The following USO1 variants were observed in gnomAD, a reference collection of about 807,000 sequenced individuals.
USO1 encodes the protein general vesicular transport factor p115.
Under a neutral mutation model 124.5 loss-of-function variants are expected in USO1, and 57 were observed. The observed-to-expected ratio is 0.46, with a 90% CI of 0.37 to 0.57. USO1 has a LOEUF of 0.57. USO1 is among the 20% of genes least tolerant of loss of function. The probability of loss-of-function intolerance (pLI) is 0.00; values close to 1 mark genes in which losing one functional copy is unlikely to be tolerated. For missense variants in USO1, 900 were observed against 1,040.6 expected (o/e 0.86, Z 1.86); for synonymous variants, 369 against 362.8 (o/e 1.02, Z -0.19).
intron 8 of USO1, among the ~76,000 whole-genome samples, chr4:75,780,583 T>G (rs1722191448): frequency 6.6e-6 from 1 of 151,028 alleles, no homozygotes; most frequent in Non-Finnish European, 1.5e-5. Context: ...TAATATTGTT[T>G]TCATACTGTT....
intron 23 of USO1, 44 bp downstream of exon 23, chr4:75,812,419 GTA>G (rs1281938046): frequency 1.3e-6 from 2 of 1,519,190 alleles, no homozygotes; most frequent in Non-Finnish European, 1.8e-6. Flanking sequence ...TTATGTTTTA[GTA>G]TAATGCATTT....
chr4:75,799,681 T>A lies in USO1; in HGVS notation c.1512T>A (p.Asn504Lys), dbSNP rs1212524591. The part of the protein sequence containing the change: ...LLMLLCTWLS[N>K]CPIAVTHFLH... ...TGTTGCTTTGTACCTGGCTAAGCAA[T>A]TGTCCCATTGCAGTAACGCATTTTC... Residue 504 changes from asparagine (N) to lysine (K), a missense_variant, in exon 14 of 24, where the codon AAT becomes AAA. Coordinates refer to ENST00000514213, the MANE Select transcript of USO1 (RefSeq NM_003715.4). 4 of 1,613,726 alleles carry A rather than the reference T, an allele frequency of 2.5e-6. No individual in the cohort carries two copies. The highest frequency in any genetic ancestry group is 2.7e-5 in the African/African-American group (2 of 74,922).
chr4:75,805,299 A>C lies in USO1; in HGVS notation c.2285A>C (p.Asn762Thr). ...QLTEKDSMIENMKSSQTSGTN... is the reference protein window; with the variant it reads ...QLTEKDSMIETMKSSQTSGTN... Reference sequence around the variant, plus strand: ...ACTGAAAAGGACTCTATGATTGAAAATATGGTAAAGTAAATGTTTAAGAAG... The same window carrying C: ...ACTGAAAAGGACTCTATGATTGAAACTATGGTAAAGTAAATGTTTAAGAAG... Residue 762 changes from asparagine (N) to threonine (T), a missense_variant, in exon 19 of 24, where the codon AAT (asparagine) becomes ACT (threonine). Coordinates refer to ENST00000514213, the MANE Select transcript of USO1 (RefSeq NM_003715.4). The C allele has an allele frequency of 6.3e-7, 1 of 1,596,920 alleles. No individual in the cohort carries two copies. The highest frequency in any genetic ancestry group is 8.5e-7 in the Non-Finnish European group (1 of 1,173,604).
chr4:75,731,903 G>A (rs1401011100), intron 1 of USO1, among the ~76,000 whole-genome samples: 1 of 152,004 alleles, frequency 6.6e-6, no homozygotes, highest in Non-Finnish European at 1.5e-5. Context: ...TTACACTAGT[G>A]TCCTTTAATT....
rs1723228630 is a variant in USO1, at chr4:75,814,194, A to T, written c.*899A>T. 6.6e-6 allele frequency: 1 copy of T among 152,244 alleles called. No individual in the cohort carries two copies. Among genetic ancestry groups the T allele is most frequent in the Non-Finnish European group, 1.5e-5 (1 of 68,044 alleles). The allele number at this position is 152,244 out of a possible 1,614,324, so 9.4% of individuals were successfully genotyped here. ...GTCAAAATTTAATGTTTCATAATAA[A>T]AATAGATACGTTGACTTAATCCTTG... is the stretch of plus-strand genomic sequence containing the variant. On this transcript the variant is annotated 3_prime_UTR_variant, in exon 24 of 24. Transcript: ENST00000514213.
At chr4:75,762,541 G>A (rs941793921) in intron 4 of USO1, among the ~76,000 whole-genome samples, 5 of 151,120 alleles carry the variant, frequency 3.3e-5, no homozygotes, top group Non-Finnish European at 5.9e-5. Context: ...ATAAATTGTG[G>A]CCAATTTTTC....
chr4:75,757,520 A>T lies in USO1; in HGVS notation c.242A>T (p.Tyr81Phe). 6.6e-7 allele frequency: 1 copy of T among 1,517,056 alleles called. No individual in the cohort carries two copies. Among genetic ancestry groups the T allele is most frequent in the South Asian group, 1.3e-5 (1 of 78,956 alleles). 94.0% of individuals were successfully genotyped at this position (1,517,056 alleles called of 1,614,324 possible). The change falls in exon 4 of 24, where the codon TAT becomes TTT. Residue 81 changes from tyrosine (Y) to phenylalanine (F), a missense_variant. Tyr to Phe is a conservative substitution (Grantham distance 22). Transcript: ENST00000514213. ...AGTTCAGATTCTGAAATAATAGGTT[A>T]TGCTTTGGACACACTATATAATATA... ...TDRSDSEIIG[Y>F]ALDTLYNIIS... is the part of the protein sequence containing the mutation.
intron 13 of USO1, chr4:75,795,501 C>T: frequency 1.6e-6 from 1 of 634,454 alleles, no homozygotes. Context: ...CAATTTATTT[C>T]TATTGTAAAT....
chr4:75,746,771 T>C (rs950992923), intron 1 of USO1, among the ~76,000 whole-genome samples: 7 of 152,208 alleles, frequency 4.6e-5, no homozygotes, highest in Non-Finnish European at 1.5e-5. Context: ...GTTCTCAATC[T>C]TGATTTCAAG....
rs199795058 is a variant in USO1 at position 75,799,189 on chromosome 4, G to GTT, written c.1453-433_1453-432insTT. Reference sequence around the variant, plus strand: ...ATTTTTCTTGATTTTTTTGTTTTTTGGTTTTTTTTGAAGGAAGTAGAATTT... The same window carrying GTT: ...ATTTTTCTTGATTTTTTTGTTTTTTGTTGTTTTTTTTGAAGGAAGTAGAATTT... On this transcript the variant is annotated intron_variant, in intron 13 of 23. Transcript: ENST00000514213. Among the ~76,000 whole-genome samples the GTT allele has an allele frequency of 5.2e-4, 78 of 149,458 alleles. 1 individual carries two copies. The Middle Eastern group carries it at 0.01, about 20-fold the overall frequency.
chr4:75,806,190 C>A (rs1381059995), intron 19 of USO1, among the ~76,000 whole-genome samples: 1 of 152,092 alleles, frequency 6.6e-6, no homozygotes, highest in Non-Finnish European at 1.5e-5. Context: ...TAGGGTTTCA[C>A]CGTGTTGCCC....
In USO1 at chr4:75,760,698, T is replaced by TA. The variant is rs889948155; in HGVS notation, c.295+3135dup. On this transcript the variant is annotated intron_variant, in intron 4 of 23. Coordinates refer to ENST00000514213, the MANE Select transcript of USO1 (RefSeq NM_003715.4). ...GTCAAGTACTGTTTCTTCTGGCTGG[T>TA]AAAAAAAAAATCTGAAATTTGTTTT... 3.3e-3 allele frequency: 1,178 copies of TA among 354,274 alleles called. 1 individual carries two copies. The highest frequency in any genetic ancestry group is 5.6e-3 in the African/African-American group (261 of 46,996). 21.9% of individuals were successfully genotyped at this position (354,274 alleles called of 1,614,324 possible).
At chr4:75,805,638 T>C (rs1218982860) in intron 19 of USO1, among the ~76,000 whole-genome samples, 3 of 149,966 alleles carry the variant, frequency 2.0e-5, no homozygotes, top group East Asian at 3.9e-4. Flanking sequence ...ACCCAGGAGG[T>C]AGAGGTTGCA....
chr4:75,735,976 CT>C (rs1294107740), intron 1 of USO1, among the ~76,000 whole-genome samples: 1 of 152,120 alleles, frequency 6.6e-6, no homozygotes, highest in Non-Finnish European at 1.5e-5. Flanking sequence ...GACTATAATT[CT>C]GATTATGCCC....
chr4:75,731,779 GATTGA>G (rs528381820), intron 1 of USO1, among the ~76,000 whole-genome samples: 9 of 152,074 alleles, frequency 5.9e-5, no homozygotes, highest in Non-Finnish European at 1.2e-4. Context: ...ATAAATGATT[GATTGA>G]TTAGAGTTAG....
At chr4:75,778,548 TTC>T (rs1279110738) in intron 8 of USO1, among the ~76,000 whole-genome samples, 5 of 152,090 alleles carry the variant, frequency 3.3e-5, no homozygotes, top group African/African-American at 1.2e-4. Context: ...GTATATGACA[TTC>T]TGGAAAAGGC....
At chr4:75,741,156 C>T (rs1280990151) in intron 1 of USO1, among the ~76,000 whole-genome samples, 2 of 152,044 alleles carry the variant, frequency 1.3e-5, no homozygotes, top group Admixed American at 6.6e-5. Context: ...ACCTGTACAG[C>T]GTGTTACTGT....
intron 4 of USO1, among the ~76,000 whole-genome samples, chr4:75,763,452 G>A (rs1721679057): frequency 6.6e-6 from 1 of 152,118 alleles, no homozygotes; most frequent in Admixed American, 6.5e-5. Flanking sequence ...GTAGGATAAT[G>A]TAAGTGTTCT....
chr4:75,726,686 G>C (rs1037394663), intron 1 of USO1, among the ~76,000 whole-genome samples: 3 of 152,094 alleles, frequency 2.0e-5, no homozygotes, highest in Admixed American at 2.0e-4. Context: ...TGTAACACAC[G>C]CACACATTTG....
Sources: gnomAD v4.1 joint callset for allele counts (sites outside exome capture counted in the v4.1 genomes callset) on GRCh38, gnomAD v4.1.1 for gene constraint, MANE v1.5 for transcripts, NCBI Gene and HGNC (gene_info 2026-07-23, HGNC 2026-07-21) for gene names.